Variants in MAN1A1 observed in about 807,000 individuals in gnomAD.
The protein encoded by MAN1A1 is mannosyl-oligosaccharide 1,2-alpha-mannosidase IA.
A neutral mutation model predicts 70.8 loss-of-function variants in MAN1A1; 29 were observed. The observed-to-expected ratio is 0.41, with a 90% CI of 0.31 to 0.56. The LOEUF is 0.56. Among genes scored for constraint, MAN1A1 ranks in the 20% least tolerant of loss-of-function variants. The pLI is 0.29. For synonymous variants in MAN1A1, 349 were observed against 330.1 expected (o/e 1.06, Z -0.62); for missense variants, 747 against 841.3 (o/e 0.89, Z 1.39).
intron 5 of MAN1A1, among the ~76,000 whole-genome samples, chr6:119,286,136 G>T (rs1359059729): frequency 1.3e-5 from 2 of 152,080 alleles, no homozygotes; most frequent in Admixed American, 1.3e-4. Context: ...TTTTTTTGCA[G>T]AATCAGGCAG....
rs550800378 is a variant in MAN1A1 at position 119,217,812 on chromosome 6, A to G, written c.993-12930T>C. Among the ~76,000 whole-genome samples the G allele has an allele frequency of 5.9e-5, 9 of 152,290 alleles. No homozygotes were observed. In the East Asian group the frequency reaches 1.7e-3, roughly 29 times the overall value. ...CAATCCTAGTTCACCAATGTTATCC[A>G]TCCACATGCACACACATATATGGAT... is the stretch of plus-strand genomic sequence containing the variant. On this transcript the variant is annotated intron_variant, in intron 6 of 12. Coordinates refer to ENST00000368468, the MANE Select transcript of MAN1A1 (RefSeq NM_005907.4).
chr6:119,239,578 T>A (rs1306057556), intron 6 of MAN1A1, among the ~76,000 whole-genome samples: 1 of 152,230 alleles, frequency 6.6e-6, no homozygotes, highest in Non-Finnish European at 1.5e-5. Context: ...ATATTTACAA[T>A]GATTAACAAT....
intron 3 of MAN1A1, among the ~76,000 whole-genome samples, chr6:119,303,586 A>G (rs1465035666): frequency 1.3e-5 from 2 of 152,096 alleles, no homozygotes; most frequent in Non-Finnish European, 2.9e-5. Context: ...CCCCATGAAC[A>G]TTTACGTAAC....
At chr6:119,331,570 C>CATATATATATATATATATATATATATAT (rs10562938) in intron 2 of MAN1A1, among the ~76,000 whole-genome samples, 2 of 117,972 alleles carry the variant, frequency 1.7e-5, no homozygotes, top group Non-Finnish European at 3.5e-5. Flanking sequence ...ACATATTATG[C>CATATATATATATATATATATATATATAT]ATATATATAT....
chr6:119,295,123 C>T (rs1446542658), intron 4 of MAN1A1, among the ~76,000 whole-genome samples: 1 of 152,086 alleles, frequency 6.6e-6, no homozygotes, highest in Non-Finnish European at 1.5e-5. Context: ...TTTTTCTAAA[C>T]CAACATACCA....
In MAN1A1 at chr6:119,201,053, CT is replaced by C. The variant is rs528090101; in HGVS notation, c.1210+200del. On this transcript the variant is annotated intron_variant, in intron 8 of 12. Transcript: ENST00000368468. ...GTAAATGTGCTTATATGTCATCACA[CT>C]TGGAGTTATATATGAAAAATACACA... 2.2e-3 allele frequency among the ~76,000 whole-genome samples: 336 copies of C among 152,306 alleles called. 1 individual carries two copies. The highest frequency in any genetic ancestry group is 0.01 in the South Asian group (50 of 4,830).
intron 9 of MAN1A1, among the ~76,000 whole-genome samples, chr6:119,190,121 G>T (rs1441730196): frequency 3.9e-5 from 6 of 152,180 alleles, no homozygotes; most frequent in African/African-American, 1.4e-4. Flanking sequence ...GGTTTTGCTT[G>T]GTTCTGTGAC....
intron 5 of MAN1A1, among the ~76,000 whole-genome samples, chr6:119,263,562 T>A (rs1775670187): frequency 6.6e-6 from 1 of 152,268 alleles, no homozygotes; most frequent in South Asian, 2.1e-4. Flanking sequence ...CTATGCTTAT[T>A]ACTTGTGTGA....
At chr6:119,270,429 T>C (rs548632970) in intron 5 of MAN1A1, among the ~76,000 whole-genome samples, 9 of 152,336 alleles carry the variant, frequency 5.9e-5, no homozygotes, top group Admixed American at 4.6e-4. Context: ...TTAGTGGCTT[T>C]AGTATACTCA....
At chr6:119,241,851 C>G (rs1462354252) in intron 6 of MAN1A1, among the ~76,000 whole-genome samples, 1 of 151,756 alleles carries the variant, frequency 6.6e-6, no homozygotes, top group Non-Finnish European at 1.5e-5. Flanking sequence ...TATCCCCAAA[C>G]CAATTGAAAC....
At chr6:119,315,969 G>A (rs1185711165) in intron 2 of MAN1A1, among the ~76,000 whole-genome samples, 1 of 152,044 alleles carries the variant, frequency 6.6e-6, no homozygotes, top group Non-Finnish European at 1.5e-5. Context: ...TAATTAACAC[G>A]GAAACTTTGA....
chr6:119,239,357 CT>C (rs1469426002), intron 6 of MAN1A1, among the ~76,000 whole-genome samples: 4 of 152,318 alleles, frequency 2.6e-5, no homozygotes, highest in South Asian at 2.1e-4. Context: ...TGCTCCATCA[CT>C]TTTTTTCTCT....
chr6:119,289,924 T>C (rs1281755292), intron 5 of MAN1A1, among the ~76,000 whole-genome samples: 2 of 152,038 alleles, frequency 1.3e-5, no homozygotes, highest in East Asian at 1.9e-4. Flanking sequence ...AACTGAAATA[T>C]GTGACAGTTT....
intron 6 of MAN1A1, among the ~76,000 whole-genome samples, chr6:119,217,392 C>T (rs574706422): frequency 1.8e-4 from 27 of 152,148 alleles, no homozygotes; most frequent in Non-Finnish European, 3.8e-4. Context: ...AGCAATTCCC[C>T]TGCCTCAGCC....
chr6:119,215,065 G>T (rs1394528374), intron 6 of MAN1A1, among the ~76,000 whole-genome samples: 1 of 151,854 alleles, frequency 6.6e-6, no homozygotes, highest in Non-Finnish European at 1.5e-5. Context: ...GGGGGGAAGG[G>T]GGAAGGATAG....
intron 5 of MAN1A1, 42 bp from the exon 6 acceptor site, chr6:119,248,396 A>C (rs762030741): frequency 9.7e-7 from 1 of 1,028,058 alleles, no homozygotes; most frequent in Non-Finnish European, 1.5e-6. Flanking sequence ...TGTTGCAAGC[A>C]AAACAAGATG....
At position 119,189,614 on chromosome 6, in the gene MAN1A1, A is replaced by T. The variant is rs752089499; in HGVS notation, c.1546+50T>A. 3 of 1,573,088 alleles carry T rather than the reference A, an allele frequency of 1.9e-6. No homozygotes were observed. In the African/African-American group the frequency reaches 4.0e-5, roughly 21 times the overall value. On this transcript the variant is annotated intron_variant, in intron 10 of 12. Transcript: ENST00000368468. ...GGGCAGCAATGACAAAACTGCATTA[A>T]ATCAAAGCATGTGGGAATAGACCAT...
At chr6:119,290,839 T>G in intron 4 of MAN1A1, 76 bp from the exon 5 acceptor site, 1 of 921,628 alleles carries the variant, frequency 1.1e-6, no homozygotes, top group Non-Finnish European at 1.7e-6. Flanking sequence ...TTATACTAAA[T>G]ACTTAAATTT....
chr6:119,336,804 C>T (rs1214004375), intron 2 of MAN1A1, among the ~76,000 whole-genome samples: 1 of 151,796 alleles, frequency 6.6e-6, no homozygotes, highest in Non-Finnish European at 1.5e-5. Flanking sequence ...AAAATTTTGC[C>T]AAAATGGAAA....
Sources: gnomAD v4.1 joint callset for allele counts (sites outside exome capture counted in the v4.1 genomes callset) on GRCh38, gnomAD v4.1.1 for gene constraint, MANE v1.5 for transcripts, NCBI Gene and HGNC (gene_info 2026-07-23, HGNC 2026-07-21) for gene names.